The following TMTC1 variants were observed in gnomAD, a reference collection of about 807,000 sequenced individuals.
TMTC1 encodes transmembrane O-mannosyltransferase targeting cadherins 1.
Under a neutral mutation model 104.8 loss-of-function variants are expected in TMTC1, and 73 were observed. The observed-to-expected ratio is 0.70, with a 90% CI of 0.58 to 0.85. The LOEUF is 0.85. TMTC1 is among the 40% of genes least tolerant of loss of function. TMTC1 has a pLI of 0.00. For missense variants in TMTC1, 1,035 were observed against 1,096.1 expected, an observed-to-expected ratio of 0.94 and a Z score of 0.79; for synonymous variants, 434 against 428.7, an observed-to-expected ratio of 1.01 and a Z score of -0.15.
chr12:29,704,711 A>G (rs1941692255), intron 5 of TMTC1, among the ~76,000 whole-genome samples: 1 of 152,214 alleles, frequency 6.6e-6, no homozygotes, highest in South Asian at 2.1e-4. Flanking sequence ...AAGGAATATA[A>G]CACCTTGAAG....
intron 9 of TMTC1, among the ~76,000 whole-genome samples, chr12:29,567,434 G>A (rs1345110410): frequency 2.6e-5 from 4 of 151,944 alleles, no homozygotes; most frequent in African/African-American, 7.3e-5. Context: ...AATTTCCTGA[G>A]CTCATGAATA....
intron 9 of TMTC1, among the ~76,000 whole-genome samples, chr12:29,570,311 T>C (rs2162033): frequency 0.59 from 89,953 of 152,034 alleles, 27,630 homozygotes; most frequent in Non-Finnish European, 0.67. Flanking sequence ...CAAAAAATTA[T>C]AAAGGAAAAA....
intron 9 of TMTC1, among the ~76,000 whole-genome samples, chr12:29,560,564 G>C (rs1424700942): frequency 6.6e-6 from 1 of 151,868 alleles, no homozygotes; most frequent in Non-Finnish European, 1.5e-5. Context: ...TTTGAGACCA[G>C]CCTGGACAAC....
At chr12:29,579,886 A>G (rs990396070) in intron 8 of TMTC1, among the ~76,000 whole-genome samples, 1 of 152,178 alleles carries the variant, frequency 6.6e-6, no homozygotes, top group Non-Finnish European at 1.5e-5. Context: ...AAATATAGGA[A>G]TGGCAAAGTT....
At chr12:29,621,926 G>A (rs192650509) in intron 6 of TMTC1, among the ~76,000 whole-genome samples, 1 of 152,208 alleles carries the variant, frequency 6.6e-6, no homozygotes, top group Admixed American at 6.5e-5. Context: ...TACCAGTCAG[G>A]TTGCAGATTT....
chr12:29,561,758 A>G (rs534160396), intron 9 of TMTC1, among the ~76,000 whole-genome samples: 1 of 152,202 alleles, frequency 6.6e-6, no homozygotes, highest in Non-Finnish European at 1.5e-5. Flanking sequence ...TGTTCAAATA[A>G]TATTGAATGA....
At chr12:29,593,906 G>A (rs369078170) in intron 7 of TMTC1, among the ~76,000 whole-genome samples, 5 of 152,220 alleles carry the variant, frequency 3.3e-5, no homozygotes, top group Non-Finnish European at 7.3e-5. Flanking sequence ...CTTCATAAGC[G>A]TAGTTGAACC....
At position 29,631,347 on chromosome 12, in the gene TMTC1, C is replaced by T. The variant is rs551651674; in HGVS notation, c.1128+1800G>A. On this transcript the variant is annotated intron_variant, in intron 6 of 17. Coordinates refer to ENST00000539277, the MANE Select transcript of TMTC1 (RefSeq NM_001193451.2). ...AAGTCAAATTCACAAAGATTTTCTC[C>T]TTTTCTTTTAGAAATTTTGGTGTAA... Among the ~76,000 whole-genome samples the T allele has an allele frequency of 2.0e-5, 3 of 152,258 alleles. No homozygotes were observed. The South Asian group carries it at 6.2e-4, about 32-fold the overall frequency.
chr12:29,770,331 G>A lies in TMTC1; in HGVS notation c.303-2256C>T, dbSNP rs114055285. Among the ~76,000 whole-genome samples the A allele has an allele frequency of 2.5e-3, 376 of 152,230 alleles. 2 individuals are homozygous for A. The highest frequency in any genetic ancestry group is 8.8e-3 in the African/African-American group (367 of 41,542). On this transcript the variant is annotated intron_variant, in intron 1 of 17. Coordinates refer to ENST00000539277, the MANE Select transcript of TMTC1 (RefSeq NM_001193451.2). ...CATGAATCACCTTTGTGGTTCATAT[G>A]TGTCATATCTGAAAATGTCCAAGCG...
chr12:29,502,421 A>G lies in TMTC1; in HGVS notation c.*4425T>C, dbSNP rs1943613967. On this transcript the variant is annotated 3_prime_UTR_variant, in exon 18 of 18. Transcript: ENST00000539277. Reference sequence around the variant, plus strand: ...TCATGTGTGCCCAAAATAAAGATAGAGATGTAGGCATAAACTCTATACCAT... The same window carrying G: ...TCATGTGTGCCCAAAATAAAGATAGGGATGTAGGCATAAACTCTATACCAT... 6.6e-6 allele frequency: 1 copy of G among 151,990 alleles called. No homozygotes were observed. The highest frequency in any genetic ancestry group is 1.5e-5 in the Non-Finnish European group (1 of 68,010). 9.4% of individuals were successfully genotyped at this position (151,990 alleles called of 1,614,324 possible).
At chr12:29,771,552 T>C (rs1433417709) in intron 1 of TMTC1, among the ~76,000 whole-genome samples, 1 of 152,180 alleles carries the variant, frequency 6.6e-6, no homozygotes, top group South Asian at 2.1e-4. Context: ...TGGCATCTGT[T>C]CCCAAAGAGT....
At chr12:29,536,163 A>G in intron 11 of TMTC1, 46 bp downstream of exon 11, 3 of 1,197,312 alleles carry the variant, frequency 2.5e-6, no homozygotes, top group Non-Finnish European at 3.7e-6. Context: ...ATTAATTTAT[A>G]CATGTAACAA....
At chr12:29,775,683 G>A (rs904685384) in intron 1 of TMTC1, among the ~76,000 whole-genome samples, 2 of 152,142 alleles carry the variant, frequency 1.3e-5, no homozygotes, top group Non-Finnish European at 2.9e-5. Flanking sequence ...GGGGGTCCCA[G>A]TATGTAGGCA....
At chr12:29,674,767 A>G (rs1408744391) in intron 5 of TMTC1, among the ~76,000 whole-genome samples, 3 of 152,114 alleles carry the variant, frequency 2.0e-5, no homozygotes, top group Non-Finnish European at 1.5e-5. Flanking sequence ...TTCCTAATTT[A>G]CTCAAAAGAG....
chr12:29,633,287 C>G lies in TMTC1; in HGVS notation c.988G>C (p.Ala330Pro). Residue 330 changes from alanine to proline, a missense_variant, in exon 6 of 18, where the codon GCA (alanine) becomes CCA (proline). Coordinates refer to ENST00000539277, the MANE Select transcript of TMTC1 (RefSeq NM_001193451.2). ...CAGTCATAGCACAGGGTCACGGGTGCAAGCAGAAGCCACACATTGAAGGCC... is the reference window on the plus strand; with the variant it reads ...CAGTCATAGCACAGGGTCACGGGTGGAAGCAGAAGCCACACATTGAAGGCC... ...LLAFNVWLLL[A>P]PVTLCYDWQV... 1 of 1,613,606 alleles carries G rather than the reference C, an allele frequency of 6.2e-7. No individual in the cohort carries two copies. Among genetic ancestry groups the G allele is most frequent in the Non-Finnish European group, 8.5e-7 (1 of 1,179,746 alleles).
chr12:29,732,269 G>A (rs561436833), intron 5 of TMTC1, among the ~76,000 whole-genome samples: 1 of 152,316 alleles, frequency 6.6e-6, no homozygotes, highest in South Asian at 2.1e-4. Flanking sequence ...CTTTACACAG[G>A]AAGAAGTTAC....
intron 5 of TMTC1, 73 bp from the exon 6 acceptor site, chr12:29,633,409 T>A (rs1938397986): frequency 1.6e-6 from 2 of 1,285,312 alleles, no homozygotes; most frequent in African/African-American, 3.0e-5. Context: ...AGTCACCATA[T>A]TTTTATTAAA....
intron 6 of TMTC1, among the ~76,000 whole-genome samples, chr12:29,614,561 T>C (rs1344742764): frequency 6.6e-6 from 1 of 152,198 alleles, no homozygotes; most frequent in African/African-American, 2.4e-5. Flanking sequence ...TTGGAAATGG[T>C]ATCAAATGCT....
intron 5 of TMTC1, among the ~76,000 whole-genome samples, chr12:29,712,896 G>A (rs151286907): frequency 2.7e-4 from 41 of 152,306 alleles, no homozygotes; most frequent in Middle Eastern, 3.4e-3. Flanking sequence ...CATTGCGATA[G>A]TTAATTTTAT....
Sources: allele counts gnomAD v4.1 joint callset (sites outside exome capture counted in the v4.1 genomes callset), GRCh38; gene constraint gnomAD v4.1.1; transcripts MANE v1.5; gene names NCBI Gene and HGNC (gene_info 2026-07-23, HGNC 2026-07-21).